PISD: variants seen among roughly 807,000 people sequenced by gnomAD.
PISD encodes the protein phosphatidylserine decarboxylase.
In PISD, 31 loss-of-function variants were observed where a neutral mutation model predicts 43.5. The observed-to-expected ratio is 0.71, with a 90% confidence interval of 0.54 to 0.96. The LOEUF (loss-of-function observed/expected upper bound fraction) is 0.96, where lower values mean the gene tolerates loss of function less well. Among genes scored for constraint, PISD ranks in the 40% least tolerant of loss-of-function variants. The pLI is 0.00. For synonymous variants in PISD, 259 were observed against 228.7 expected (o/e 1.13, Z -1.20); for missense variants, 523 against 548.4 (o/e 0.95, Z 0.46).
At chr22:31,653,179 C>CT (rs1164003339) in intron 1 of PISD, among the ~76,000 whole-genome samples, 1 of 151,958 alleles carries the variant, frequency 6.6e-6, no homozygotes, top group East Asian at 1.9e-4. Flanking sequence ...GGCCAGACAG[C>CT]TATTAACACA....
At chr22:31,625,810 C>T (rs1399046172) in intron 3 of PISD, 4 of 1,600,706 alleles carry the variant, frequency 2.5e-6, no homozygotes, top group Non-Finnish European at 3.4e-6. Context: ...CTGACTGACA[C>T]ATCATGGGCC....
At chr22:31,654,154 T>C (rs1232734820) in intron 1 of PISD, among the ~76,000 whole-genome samples, 1 of 152,182 alleles carries the variant, frequency 6.6e-6, no homozygotes, top group African/African-American at 2.4e-5. Flanking sequence ...CCAACACCAA[T>C]GCACACACAT....
chr22:31,623,210 A>C (rs2072680001), intron 3 of PISD, among the ~76,000 whole-genome samples: 1 of 152,202 alleles, frequency 6.6e-6, no homozygotes, highest in Non-Finnish European at 1.5e-5. Flanking sequence ...TCCCTTGCCC[A>C]TTCCTGGGGC....
chr22:31,650,526 C>CAA (rs200466585), intron 2 of PISD, among the ~76,000 whole-genome samples, 173 bp downstream of exon 2: 5,866 of 106,746 alleles, frequency 0.055, 233 homozygotes, highest in Admixed American at 0.12. Context: ...AAGACTGTCT[C>CAA]AAAAAAAAAA....
chr22:31,645,427 G>A (rs1053357400), intron 3 of PISD, among the ~76,000 whole-genome samples: 2 of 151,318 alleles, frequency 1.3e-5, no homozygotes, highest in Admixed American at 6.6e-5. Context: ...TAAATTGGCC[G>A]GGCGCAGTGG....
At chr22:31,642,129 C>T (rs1292861341) in intron 3 of PISD, among the ~76,000 whole-genome samples, 1 of 151,140 alleles carries the variant, frequency 6.6e-6, no homozygotes, top group East Asian at 1.9e-4. Context: ...TCAGTGGCAA[C>T]CAGAGACTTC....
intron 3 of PISD, among the ~76,000 whole-genome samples, chr22:31,643,015 T>C (rs903365748): frequency 3.3e-5 from 5 of 150,566 alleles, no homozygotes; most frequent in Non-Finnish European, 7.4e-5. Context: ...AGCAGGAAAA[T>C]TGCTTGAACC....
chr22:31,638,236 C>T (rs983622692), intron 3 of PISD: 1 of 291,342 alleles, frequency 3.4e-6, no homozygotes, highest in Non-Finnish European at 5.1e-6. Context: ...GAACTCAGGA[C>T]GCTGTGACCG....
rs780766629 is a variant in PISD, at chr22:31,619,765, A to G, written c.1077T>C (p.Asn359=). ...YNDFSFVTHT[N]REGVPMRKGE... Reference sequence around the variant, plus strand: ...CCTTACGCATGGGGACGCCCTCTCTATTGGTGTGCGTCACGAAGCTGAAGT... The same window carrying G: ...CCTTACGCATGGGGACGCCCTCTCTGTTGGTGTGCGTCACGAAGCTGAAGT... The change falls in exon 8 of 8, where the codon AAT becomes AAC. Residue 359 remains asparagine (N), a synonymous_variant. Coordinates refer to ENST00000439502, the MANE Select transcript of PISD (RefSeq NM_001326411.2). The G allele has an allele frequency of 1.2e-6, 2 of 1,613,908 alleles. No homozygotes were observed. The highest frequency in any genetic ancestry group is 1.3e-5 in the African/African-American group (1 of 74,896).
At chr22:31,659,473 TC>T (rs1569494345) in intron 1 of PISD, among the ~76,000 whole-genome samples, 1 of 152,284 alleles carries the variant, frequency 6.6e-6, no homozygotes, top group East Asian at 1.9e-4. Context: ...AGAAGCTACT[TC>T]CTAGGTACTA....
At chr22:31,626,611 G>A (rs1461090107) in intron 3 of PISD, among the ~76,000 whole-genome samples, 2 of 152,144 alleles carry the variant, frequency 1.3e-5, no homozygotes, top group Non-Finnish European at 2.9e-5. Context: ...ACCAGCCTGG[G>A]GCTGGGAACA....
chr22:31,632,016 G>A (rs2073227731), intron 3 of PISD, among the ~76,000 whole-genome samples: 1 of 152,164 alleles, frequency 6.6e-6, no homozygotes, highest in South Asian at 2.1e-4. Context: ...AGACCAGCCT[G>A]GACAACATAG....
rs2072331803 is a variant in PISD, at chr22:31,619,144, G to A, written c.*468C>T. ...CACGAAGGCTGTGTGGCTCTGCTGG[G>A]GGAGAGGCATCCACAGTCTGTGCCA... is the stretch of plus-strand genomic sequence containing the variant. On this transcript the variant is annotated 3_prime_UTR_variant, in exon 8 of 8. Coordinates refer to ENST00000439502, the MANE Select transcript of PISD (RefSeq NM_001326411.2). The A allele has an allele frequency of 3.9e-6, 1 of 259,700 alleles. No individual in the cohort carries two copies. The highest frequency in any genetic ancestry group is 3.9e-5 in the South Asian group (1 of 25,756). 16.1% of individuals were successfully genotyped at this position (259,700 alleles called of 1,614,324 possible). A position where few individuals can be genotyped will look rare whatever the true frequency, so the allele number is the denominator to read the frequency against.
At chr22:31,633,050 G>T (rs1374011415) in intron 3 of PISD, among the ~76,000 whole-genome samples, 1 of 152,160 alleles carries the variant, frequency 6.6e-6, no homozygotes, top group Non-Finnish European at 1.5e-5. Flanking sequence ...CACCTCAGAG[G>T]TCCAAGGAAA....
At chr22:31,640,512 A>T (rs1171811969) in intron 3 of PISD, among the ~76,000 whole-genome samples, 1 of 148,354 alleles carries the variant, frequency 6.7e-6, no homozygotes, top group Admixed American at 6.7e-5. Context: ...TACCCTTTCT[A>T]GAGACATCAT....
chr22:31,627,087 G>A (rs1039697084), intron 3 of PISD, among the ~76,000 whole-genome samples: 9 of 152,280 alleles, frequency 5.9e-5, no homozygotes, highest in Admixed American at 6.5e-5. Flanking sequence ...CCGGGAACCT[G>A]CCTGCAAGAA....
At chr22:31,639,614 GA>G (rs2073629102) in intron 3 of PISD, among the ~76,000 whole-genome samples, 1 of 152,178 alleles carries the variant, frequency 6.6e-6, no homozygotes, top group Non-Finnish European at 1.5e-5. Flanking sequence ...AGGAAAAGAG[GA>G]AACAGGCAAT....
chr22:31,650,719 G>C lies in PISD; in HGVS notation c.125C>G (p.Pro42Arg). The C allele has an allele frequency of 1.3e-6, 2 of 1,553,650 alleles. No individual in the cohort carries two copies. Among genetic ancestry groups the C allele is most frequent in the South Asian group, 2.4e-5 (2 of 84,260 alleles). ...CTTACCTGTGCGAAAGGCTCTAAAA[G>C]GCAGCTTCCGTAAGGGCTGTAGGGA... ...SQSLQPLRKLPFRAFRTDARK... is the reference protein window; with the variant it reads ...SQSLQPLRKLRFRAFRTDARK... Residue 42 changes from proline to arginine, a missense_variant, in exon 2 of 8, where the codon CCT (proline) becomes CGT (arginine). Physicochemically the swap from Pro to Arg is moderately radical, Grantham distance 103. Coordinates refer to ENST00000439502, the MANE Select transcript of PISD (RefSeq NM_001326411.2).
At chr22:31,623,813 C>G in intron 3 of PISD, 1 of 1,613,930 alleles carries the variant, frequency 6.2e-7, no homozygotes, top group Non-Finnish European at 8.5e-7. Flanking sequence ...TCAGCTGCCC[C>G]AGCCTCCGCC....
Sources: gnomAD v4.1 joint callset for allele counts (sites outside exome capture counted in the v4.1 genomes callset) on GRCh38, gnomAD v4.1.1 for gene constraint, MANE v1.5 for transcripts, NCBI Gene and HGNC (gene_info 2026-07-23, HGNC 2026-07-21) for gene names.